The following ABI3BP variants were observed in gnomAD, a reference collection of about 807,000 sequenced individuals.
ABI3BP encodes ABI family member 3 binding protein.
Under a neutral mutation model 268.6 loss-of-function variants are expected in ABI3BP, and 216 were observed. That is an observed-to-expected ratio of 0.80 (90% confidence interval 0.72 to 0.90). The LOEUF (loss-of-function observed/expected upper bound fraction) is 0.90. Ranked by LOEUF, ABI3BP falls within the 40% of genes least tolerant of loss-of-function variation. ABI3BP has a pLI of 0.00. For missense variants in ABI3BP, 2,090 were observed against 2,182.4 expected (o/e 0.96, Z 0.84); for synonymous variants, 730 against 730.0 (o/e 1.00, Z 0.00).
In ABI3BP at chr3:100,964,671, C is replaced by T. The variant is rs373817120; in HGVS notation, c.79+28635G>A. Among the ~76,000 whole-genome samples the T allele has an allele frequency of 5.9e-5, 9 of 152,336 alleles. No homozygotes were observed. In the East Asian group the frequency reaches 9.6e-4, roughly 16 times the overall value. ...AGGCACAATTGTCCATTTTTCTTCACTTCAGTATTTCTAATGCATGGGTCC... is the reference window on the plus strand; with the variant it reads ...AGGCACAATTGTCCATTTTTCTTCATTTCAGTATTTCTAATGCATGGGTCC... On this transcript the variant is annotated intron_variant, in intron 1 of 67. Transcript: ENST00000471714.
At chr3:100,975,174 T>A (rs770053152) in intron 1 of ABI3BP, among the ~76,000 whole-genome samples, 3 of 152,114 alleles carry the variant, frequency 2.0e-5, no homozygotes, top group Non-Finnish European at 4.4e-5. Context: ...TACTTTGTCT[T>A]AGAAAAAAGA....
intron 4 of ABI3BP, among the ~76,000 whole-genome samples, chr3:100,886,864 CAAGTTAAGAGTCAAATAAAAA>C (rs1423507093): frequency 6.6e-6 from 1 of 151,796 alleles, no homozygotes; most frequent in Non-Finnish European, 1.5e-5. Context: ...GACCAATAGC[CAAGTTAAGAGTCAAATAAAAA>C]AAGTTAATGC....
rs1199667547 is a variant in ABI3BP at position 100,753,048 on chromosome 3, T to C, written c.4961-100A>G. ...TTGTCAACTTGCTGATACCTTTTTT[T>C]CCCCCCATGCTAAATACTGGAGCCA... On this transcript the variant is annotated intron_variant, in intron 65 of 67. Transcript: ENST00000471714. The C allele has an allele frequency of 1.7e-5, 19 of 1,138,802 alleles. 1 individual carries two copies. Among genetic ancestry groups the C allele is most frequent in the African/African-American group, 4.8e-5 (3 of 62,294 alleles). 70.5% of individuals were successfully genotyped at this position (1,138,802 alleles called of 1,614,324 possible).
intron 6 of ABI3BP, among the ~76,000 whole-genome samples, chr3:100,882,931 G>T (rs1442718295): frequency 6.6e-6 from 1 of 152,114 alleles, no homozygotes; most frequent in Non-Finnish European, 1.5e-5. Context: ...AAAGAATGAG[G>T]ATTTTTCTAG....
chr3:100,786,271 C>A (rs2097041252), intron 57 of ABI3BP, among the ~76,000 whole-genome samples: 1 of 152,136 alleles, frequency 6.6e-6, no homozygotes, highest in African/African-American at 2.4e-5. Flanking sequence ...CCCACCAGCC[C>A]AATTTCTCCC....
chr3:100,964,377 C>T (rs749544731), intron 1 of ABI3BP, among the ~76,000 whole-genome samples: 10 of 152,140 alleles, frequency 6.6e-5, no homozygotes, highest in South Asian at 2.1e-4. Context: ...AATCAGACAC[C>T]ACTTCCTCAA....
chr3:100,877,436 T>A (rs867850875), intron 6 of ABI3BP, among the ~76,000 whole-genome samples: 3 of 152,214 alleles, frequency 2.0e-5, no homozygotes, highest in African/African-American at 4.8e-5. Context: ...ATTCTGCACA[T>A]GTTTATACAC....
intron 1 of ABI3BP, among the ~76,000 whole-genome samples, chr3:100,937,342 A>G (rs1029548991): frequency 1.3e-5 from 2 of 152,078 alleles, no homozygotes; most frequent in Admixed American, 6.6e-5. Flanking sequence ...AGGAGAAATG[A>G]AGACACAAGT....
chr3:100,937,407 C>T (rs1273385920), intron 1 of ABI3BP, among the ~76,000 whole-genome samples: 1 of 151,978 alleles, frequency 6.6e-6, no homozygotes, highest in Non-Finnish European at 1.5e-5. Flanking sequence ...AGAAACAAAC[C>T]CAAATGTCCA....
At chr3:100,962,767 A>G (rs2079604620) in intron 1 of ABI3BP, among the ~76,000 whole-genome samples, 1 of 152,152 alleles carries the variant, frequency 6.6e-6, no homozygotes, top group African/African-American at 2.4e-5. Context: ...TGGTCATTAT[A>G]TACTGGAGGA....
At chr3:100,773,299 T>A (rs1044138660) in intron 61 of ABI3BP, among the ~76,000 whole-genome samples, 1 of 152,068 alleles carries the variant, frequency 6.6e-6, no homozygotes. Flanking sequence ...CTCCATTTTT[T>A]AAAATGGGCA....
intron 6 of ABI3BP, 118 bp downstream of exon 6, chr3:100,885,418 C>A (rs1007403237): frequency 5.9e-6 from 3 of 504,210 alleles, no homozygotes; most frequent in African/African-American, 5.9e-5. Context: ...TAAGTACTTT[C>A]TCCACTGTTT....
chr3:100,894,002 G>A (rs2045984465), intron 4 of ABI3BP, among the ~76,000 whole-genome samples: 1 of 152,078 alleles, frequency 6.6e-6, no homozygotes, highest in Non-Finnish European at 1.5e-5. Context: ...TACTGTGGAA[G>A]GTAGAATAGA....
intron 1 of ABI3BP, among the ~76,000 whole-genome samples, chr3:100,947,802 G>A (rs1584539366): frequency 6.6e-6 from 1 of 152,082 alleles, no homozygotes; most frequent in Admixed American, 6.6e-5. Context: ...ATAAAGAGTG[G>A]CGGATAAGGC....
chr3:100,884,787 A>G (rs866446305), intron 6 of ABI3BP, among the ~76,000 whole-genome samples: 60 of 152,092 alleles, frequency 3.9e-4, no homozygotes, highest in African/African-American at 1.4e-3. Context: ...CTGCCCAGTA[A>G]TATAATGTCC....
chr3:100,824,567 A>G (rs2098329615), intron 36 of ABI3BP, among the ~76,000 whole-genome samples: 1 of 152,238 alleles, frequency 6.6e-6, no homozygotes, highest in African/African-American at 2.4e-5. Flanking sequence ...GCTCTGCTAA[A>G]GAAGTTCTAC....
At chr3:100,836,581 T>C (rs79563426) in intron 27 of ABI3BP, among the ~76,000 whole-genome samples, 7,214 of 152,224 alleles carry the variant, frequency 0.047, 212 homozygotes, top group Non-Finnish European at 0.052. Context: ...ATATTTATAA[T>C]TAATTGCCTT....
chr3:100,763,548 G>T (rs968145652), intron 63 of ABI3BP, among the ~76,000 whole-genome samples: 2 of 152,024 alleles, frequency 1.3e-5, no homozygotes, highest in Non-Finnish European at 2.9e-5. Flanking sequence ...AGGTTTTAGG[G>T]GTCCTCCTCA....
intron 2 of ABI3BP, among the ~76,000 whole-genome samples, chr3:100,922,196 C>T (rs370821938): frequency 1.3e-5 from 2 of 152,294 alleles, no homozygotes; most frequent in East Asian, 1.9e-4. Context: ...ATACACTAAA[C>T]CACCACAGCA....
Sources: allele counts gnomAD v4.1 joint callset (sites outside exome capture counted in the v4.1 genomes callset), GRCh38; gene constraint gnomAD v4.1.1; transcripts MANE v1.5; gene names NCBI Gene and HGNC (gene_info 2026-07-23, HGNC 2026-07-21).